TSPAN12: variants seen among roughly 807,000 people sequenced by gnomAD.
The protein encoded by TSPAN12 is tetraspanin-12.
TSPAN12 carries 19 observed loss-of-function variants against 39.2 expected under a neutral mutation model. The ratio of observed to expected loss-of-function variants is 0.49; its 90% CI spans 0.34 to 0.71. TSPAN12 has a LOEUF of 0.71. Among genes scored for constraint, TSPAN12 ranks in the 30% least tolerant of loss-of-function variants. The probability of loss-of-function intolerance (pLI) is 0.01; values close to 1 mark genes in which losing one functional copy is unlikely to be tolerated. For missense variants in TSPAN12, 314 were observed against 359.9 expected, an observed-to-expected ratio of 0.87 and a Z score of 1.03; for synonymous variants, 119 against 124.8, an observed-to-expected ratio of 0.95 and a Z score of 0.31.
At chr7:120,840,240 T>C in intron 2 of TSPAN12, 131 bp from the exon 3 acceptor site, 2 of 767,932 alleles carry the variant, frequency 2.6e-6, no homozygotes, top group East Asian at 2.7e-5. Flanking sequence ...TCTTGAAATT[T>C]ACTATTACTA....
intron 5 of TSPAN12, among the ~76,000 whole-genome samples, chr7:120,812,571 CT>C (rs1215814631): frequency 6.6e-6 from 1 of 152,128 alleles, no homozygotes; most frequent in African/African-American, 2.4e-5. Flanking sequence ...CACAGAAAAT[CT>C]TCGTTTTTTT....
At chr7:120,804,892 C>T (rs1012843108) in intron 7 of TSPAN12, among the ~76,000 whole-genome samples, 3 of 151,952 alleles carry the variant, frequency 2.0e-5, no homozygotes, top group South Asian at 2.1e-4. Context: ...TTCTAAAAGA[C>T]GAGGAACCAG....
At chr7:120,832,684 T>A (rs529856068) in intron 4 of TSPAN12, among the ~76,000 whole-genome samples, 1 of 152,192 alleles carries the variant, frequency 6.6e-6, no homozygotes, top group African/African-American at 2.4e-5. Context: ...TCATCTTTGT[T>A]CTCTCAAGTA....
At chr7:120,836,853 T>C (rs1486276312) in intron 4 of TSPAN12, among the ~76,000 whole-genome samples, 1 of 152,212 alleles carries the variant, frequency 6.6e-6, no homozygotes, top group Non-Finnish European at 1.5e-5. Context: ...TTTGCATTAC[T>C]AGCATCTAAG....
chr7:120,820,501 T>C (rs573592135), intron 4 of TSPAN12, among the ~76,000 whole-genome samples: 3 of 152,140 alleles, frequency 2.0e-5, no homozygotes, highest in Non-Finnish European at 4.4e-5. Flanking sequence ...GTCTTCCTCA[T>C]CACTGTTTTC....
At chr7:120,815,571 T>C (rs1423614922) in intron 5 of TSPAN12, among the ~76,000 whole-genome samples, 158 bp downstream of exon 5, 1 of 152,224 alleles carries the variant, frequency 6.6e-6, no homozygotes, top group East Asian at 1.9e-4. Flanking sequence ...GTAAGTTTCC[T>C]GAGGCCTCCC....
At chr7:120,821,241 A>C (rs2116406079) in intron 4 of TSPAN12, among the ~76,000 whole-genome samples, 1 of 152,262 alleles carries the variant, frequency 6.6e-6, no homozygotes, top group Middle Eastern at 3.4e-3. Flanking sequence ...TTCATGAAAA[A>C]AAATTGCATC....
rs1391953907 is a variant in TSPAN12 at position 120,787,590 on chromosome 7, T to C, written c.*1002A>G. On this transcript the variant is annotated 3_prime_UTR_variant, in exon 8 of 8. Transcript: ENST00000222747. ...AACACTATTTTCTGTAGAATTTATA[T>C]TGACTTGGAGACTATTGCTTCTTGT... The C allele has an allele frequency of 5.9e-5, 9 of 152,464 alleles. No individual in the cohort carries two copies. In the South Asian group the frequency reaches 8.3e-4, roughly 14 times the overall value. The allele number at this position is 152,464 out of a possible 1,614,324, so 9.4% of individuals were successfully genotyped here. A position where few individuals can be genotyped will look rare whatever the true frequency, so the allele number is the denominator to read the frequency against.
chr7:120,848,150 C>A (rs1794707480), intron 2 of TSPAN12, among the ~76,000 whole-genome samples: 1 of 152,200 alleles, frequency 6.6e-6, no homozygotes, highest in African/African-American at 2.4e-5. Context: ...GCAACATCTA[C>A]TTTTCCTTCA....
At chr7:120,836,722 G>T (rs1794484003) in intron 4 of TSPAN12, among the ~76,000 whole-genome samples, 1 of 152,132 alleles carries the variant, frequency 6.6e-6, no homozygotes, top group Non-Finnish European at 1.5e-5. Flanking sequence ...TAGAACCTCA[G>T]TCATCCCTGC....
At chr7:120,814,200 G>T (rs1045134862) in intron 5 of TSPAN12, 2 of 456,530 alleles carry the variant, frequency 4.4e-6, no homozygotes, top group Non-Finnish European at 8.8e-6. Flanking sequence ...ATCAGCACCA[G>T]AAATGACTTC....
rs766786666 is a variant in TSPAN12, at chr7:120,797,049, CA to C, written c.613-8153del. Among the ~76,000 whole-genome samples, 235 of 152,266 alleles carry C rather than the reference CA, an allele frequency of 1.5e-3. 1 individual carries two copies. Among genetic ancestry groups the C allele is most frequent in the Non-Finnish European group, 1.8e-3 (120 of 68,012 alleles). On this transcript the variant is annotated intron_variant, in intron 7 of 7. Transcript: ENST00000222747. ...GCAGGCGCCTGTAGTCCCAGCTGCTCAGGAGGCTGAGGCAGGAGAATGGCGT... is the reference window on the plus strand; with the variant it reads ...GCAGGCGCCTGTAGTCCCAGCTGCTCGGAGGCTGAGGCAGGAGAATGGCGT...
At chr7:120,845,989 T>C (rs747535226) in intron 2 of TSPAN12, among the ~76,000 whole-genome samples, 15 of 152,204 alleles carry the variant, frequency 9.9e-5, no homozygotes, top group Admixed American at 2.0e-4. Context: ...AGAGGTTTAA[T>C]TGGCTTATGG....
chr7:120,854,467 A>G (rs982201876), intron 2 of TSPAN12, among the ~76,000 whole-genome samples: 1 of 152,222 alleles, frequency 6.6e-6, no homozygotes, highest in Non-Finnish European at 1.5e-5. Flanking sequence ...AGCGCTGTAT[A>G]TATGTTAACT....
rs879853842 is a variant in TSPAN12, at chr7:120,806,134, CT to C, written c.612+414del. On this transcript the variant is annotated intron_variant, in intron 7 of 7. Transcript: ENST00000222747. ...TGGTAGCATTTTCTTTGGAGAGGTT[CT>C]TTTTTTTCCCCTTCTATGTGTTGGT... Among the ~76,000 whole-genome samples, 141 of 151,826 alleles carry C rather than the reference CT, an allele frequency of 9.3e-4. 1 individual carries two copies. The highest frequency in any genetic ancestry group is 7.8e-3 in the Admixed American group (119 of 15,210).
At chr7:120,826,635 G>A (rs182593756) in intron 4 of TSPAN12, among the ~76,000 whole-genome samples, 23 of 152,210 alleles carry the variant, frequency 1.5e-4, no homozygotes, top group Middle Eastern at 3.4e-3. Flanking sequence ...GACCCTTATC[G>A]TGCCTCTCCC....
chr7:120,790,135 T>C (rs1470967724), intron 7 of TSPAN12, among the ~76,000 whole-genome samples: 1 of 152,188 alleles, frequency 6.6e-6, no homozygotes, highest in Non-Finnish European at 1.5e-5. Context: ...AGAGTTCTTC[T>C]CTTTCTTGTG....
At chr7:120,843,292 A>G (rs1019540667) in intron 2 of TSPAN12, among the ~76,000 whole-genome samples, 1 of 152,214 alleles carries the variant, frequency 6.6e-6, no homozygotes, top group Admixed American at 6.5e-5. Flanking sequence ...TATATGCCAG[A>G]CACATCCTGC....
At chr7:120,819,030 T>C (rs1794137925) in intron 4 of TSPAN12, among the ~76,000 whole-genome samples, 1 of 152,088 alleles carries the variant, frequency 6.6e-6, no homozygotes, top group African/African-American at 2.4e-5. Context: ...ACTTTTCTAA[T>C]CTTTGATAAG....
Sources: gnomAD v4.1 joint callset for allele counts (sites outside exome capture counted in the v4.1 genomes callset) on GRCh38, gnomAD v4.1.1 for gene constraint, MANE v1.5 for transcripts, NCBI Gene and HGNC (gene_info 2026-07-23, HGNC 2026-07-21) for gene names.